Variants in SAXO1 observed in about 807,000 individuals in gnomAD.
SAXO1 encodes 4930500O09Rik.
A neutral mutation model predicts 17.5 loss-of-function variants in SAXO1; 21 were observed. The ratio of observed to expected loss-of-function variants is 1.20; its 90% CI spans 0.85 to 1.72. The LOEUF (loss-of-function observed/expected upper bound fraction) is 1.72, where lower values mean the gene tolerates loss of function less well. Ranked by LOEUF, SAXO1 falls within the 40% of genes most tolerant of loss-of-function variation. SAXO1 has a pLI of 0.00. For synonymous variants in SAXO1, 274 were observed against 216.5 expected (o/e 1.27, Z -2.33); for missense variants, 843 against 596.0 (o/e 1.41, Z -4.32).
intron 1 of SAXO1, among the ~76,000 whole-genome samples, chr9:19,047,141 A>T (rs772221397): frequency 1.3e-5 from 2 of 152,076 alleles, no homozygotes; most frequent in African/African-American, 4.8e-5. Flanking sequence ...AAGCCGAGAT[A>T]GTGCCACTGC....
At chr9:18,999,259 G>A (rs1038967174) in intron 1 of SAXO1, among the ~76,000 whole-genome samples, 16 of 152,168 alleles carry the variant, frequency 1.1e-4, no homozygotes, top group East Asian at 7.7e-4. Context: ...GGATGGAGCC[G>A]TCTGGGATCT....
chr9:18,973,577 C>A (rs1341534774), intron 1 of SAXO1, among the ~76,000 whole-genome samples: 2 of 152,220 alleles, frequency 1.3e-5, no homozygotes, highest in Non-Finnish European at 2.9e-5. Context: ...AAATGGCCCT[C>A]ATGTGCCTGG....
At chr9:18,999,737 T>C (rs1284171243) in intron 1 of SAXO1, among the ~76,000 whole-genome samples, 13 of 80,234 alleles carry the variant, frequency 1.6e-4, no homozygotes, top group Non-Finnish European at 2.0e-4. Flanking sequence ...GCTGTCCCAC[T>C]GTCTGGGAAG....
chr9:18,972,959 C>A (rs547724296), intron 1 of SAXO1, among the ~76,000 whole-genome samples: 15 of 152,202 alleles, frequency 9.9e-5, no homozygotes, highest in Middle Eastern at 3.4e-3. Context: ...CCTCTGCCAC[C>A]AGACAAAGGA....
At chr9:18,970,647 G>A (rs1157740848) in intron 1 of SAXO1, among the ~76,000 whole-genome samples, 1 of 152,126 alleles carries the variant, frequency 6.6e-6, no homozygotes, top group African/African-American at 2.4e-5. Flanking sequence ...AGGTGAACTG[G>A]TGACAACTTG....
At chr9:18,986,168 C>G (rs1327870430) in intron 1 of SAXO1, among the ~76,000 whole-genome samples, 2 of 152,292 alleles carry the variant, frequency 1.3e-5, no homozygotes, top group East Asian at 3.9e-4. Flanking sequence ...TTAAAAAAAG[C>G]AATTCATTTA....
chr9:18,972,708 G>A (rs775299597), intron 1 of SAXO1, among the ~76,000 whole-genome samples: 23 of 152,236 alleles, frequency 1.5e-4, no homozygotes, highest in African/African-American at 3.4e-4. Flanking sequence ...GAAGCCCAGC[G>A]TACCAACAGA....
At chr9:19,026,008 A>G (rs1346334990) in intron 1 of SAXO1, among the ~76,000 whole-genome samples, 2 of 152,204 alleles carry the variant, frequency 1.3e-5, no homozygotes, top group Non-Finnish European at 2.9e-5. Context: ...ATACAAAAAT[A>G]AGTTGGATAG....
At chr9:19,020,118 C>T (rs1053920180) in intron 1 of SAXO1, among the ~76,000 whole-genome samples, 1 of 151,932 alleles carries the variant, frequency 6.6e-6, no homozygotes, top group Non-Finnish European at 1.5e-5. Flanking sequence ...CTCCATTGAG[C>T]GTAGCACTAA....
At chr9:18,961,023 G>A (rs1425554043) in intron 1 of SAXO1, among the ~76,000 whole-genome samples, 1 of 152,092 alleles carries the variant, frequency 6.6e-6, no homozygotes, top group Middle Eastern at 3.2e-3. Flanking sequence ...TCAAAACTCA[G>A]CAAGTGCACC....
intron 1 of SAXO1, among the ~76,000 whole-genome samples, chr9:19,019,019 T>C (rs935400281): frequency 1.3e-5 from 2 of 151,618 alleles, no homozygotes; most frequent in African/African-American, 2.4e-5. Flanking sequence ...TGAGGCAGGA[T>C]AATCACTTGA....
upstream of SAXO1, among the ~76,000 whole-genome samples, chr9:19,036,733 T>C (rs1167147290): frequency 6.6e-6 from 1 of 152,082 alleles, no homozygotes; most frequent in Non-Finnish European, 1.5e-5. Flanking sequence ...TGCTGCAGGG[T>C]TGGAACTCTC....
At chr9:18,982,838 G>T (rs1833449381) in intron 1 of SAXO1, among the ~76,000 whole-genome samples, 1 of 152,136 alleles carries the variant, frequency 6.6e-6, no homozygotes, top group Admixed American at 6.5e-5. Flanking sequence ...GATCATTTAT[G>T]GAGATACAAA....
At chr9:18,941,278 T>A (rs984082414) in intron 3 of SAXO1, among the ~76,000 whole-genome samples, 6 of 149,408 alleles carry the variant, frequency 4.0e-5, no homozygotes, top group Non-Finnish European at 8.9e-5. Context: ...CTGTAGTGTC[T>A]CTGTCAACAA....
intron 1 of SAXO1, among the ~76,000 whole-genome samples, chr9:19,003,274 C>T (rs556897063): frequency 8.2e-4 from 125 of 152,238 alleles, no homozygotes; most frequent in Middle Eastern, 3.4e-3. Context: ...ATATTCCATG[C>T]GCATGGATAG....
At chr9:19,044,593 G>GT (rs1469629540) in intron 1 of SAXO1, among the ~76,000 whole-genome samples, 1 of 152,192 alleles carries the variant, frequency 6.6e-6, no homozygotes, top group African/African-American at 2.4e-5. Context: ...GGCGGGCGCG[G>GT]TAGCTCACGC....
intron 2 of SAXO1, among the ~76,000 whole-genome samples, chr9:18,950,522 T>A (rs1488047154): frequency 6.6e-6 from 1 of 152,210 alleles, no homozygotes; most frequent in East Asian, 1.9e-4. Flanking sequence ...CCCCACCCTT[T>A]ACTTCAGCAA....
chr9:18,970,174 G>T (rs936660230), intron 1 of SAXO1, among the ~76,000 whole-genome samples: 2 of 152,176 alleles, frequency 1.3e-5, no homozygotes, highest in Non-Finnish European at 1.5e-5. Flanking sequence ...AGCCCCAGAT[G>T]TTTGGCTTGA....
chr9:19,017,391 T>A (rs1056259111), intron 1 of SAXO1, among the ~76,000 whole-genome samples: 1 of 152,108 alleles, frequency 6.6e-6, no homozygotes, highest in Non-Finnish European at 1.5e-5. Flanking sequence ...AAATAAAAGA[T>A]GAAAAAATAT....
Sources: allele counts gnomAD v4.1 joint callset (sites outside exome capture counted in the v4.1 genomes callset), GRCh38; gene constraint gnomAD v4.1.1; transcripts MANE v1.5; gene names NCBI Gene and HGNC (gene_info 2026-07-23, HGNC 2026-07-21).